The following RPS6KC1 variants were observed in gnomAD, a reference collection of about 807,000 sequenced individuals.
RPS6KC1 encodes the protein inactive ribosomal protein S6 kinase delta-1.
Under a neutral mutation model 103.8 loss-of-function variants are expected in RPS6KC1, and 54 were observed. The ratio of observed to expected loss-of-function variants is 0.52; its 90% CI spans 0.42 to 0.65. The LOEUF is 0.65. RPS6KC1 is among the 30% of genes least tolerant of loss of function. The pLI, the probability that RPS6KC1 is intolerant of heterozygous loss-of-function variation, is 0.00. For missense variants in RPS6KC1, 1,151 were observed against 1,253.8 expected (o/e 0.92, Z 1.24); for synonymous variants, 439 against 438.7 (o/e 1.00, Z -0.01).
At chr1:213,366,844 TG>T in the RPS6KC1 span, among the ~76,000 whole-genome samples, 3 of 152,242 alleles carry the variant, frequency 2.0e-5, no homozygotes, top group African/African-American at 7.2e-5. Context: ...AGAAATTTCT[TG>T]CTGTTTCTCA....
At chr1:213,212,602 A>G (rs193002741) in intron 8 of RPS6KC1, among the ~76,000 whole-genome samples, 90 of 152,330 alleles carry the variant, frequency 5.9e-4, no homozygotes, top group African/African-American at 2.1e-3. Flanking sequence ...ACACCAAGGA[A>G]TGTAATTGCT....
At chr1:213,732,514 C>A in the RPS6KC1 span, among the ~76,000 whole-genome samples, 1 of 152,280 alleles carries the variant, frequency 6.6e-6, no homozygotes, top group East Asian at 1.9e-4. Context: ...CAGGTCCTAG[C>A]CCAGTGCCTG....
the RPS6KC1 span, among the ~76,000 whole-genome samples, chr1:213,728,499 C>T: frequency 2.0e-5 from 3 of 152,080 alleles, no homozygotes; most frequent in African/African-American, 7.2e-5. Context: ...ACGTCCATGC[C>T]AGCCCTACCC....
At position 213,131,930 on chromosome 1, in the gene RPS6KC1, A is replaced by G. The variant is rs117796993; in HGVS notation, c.835+2041A>G. On this transcript the variant is annotated intron_variant, in intron 6 of 14. Coordinates refer to ENST00000366960, the MANE Select transcript of RPS6KC1 (RefSeq NM_012424.6). The stretch of plus-strand genomic sequence containing the variant: ...TGTGCTAAAACATCACTGGTGTTTA[A>G]TTGACACAAATAAAACACATCAGTG... 9.3e-3 allele frequency among the ~76,000 whole-genome samples: 1,422 copies of G among 152,328 alleles called. 49 individuals carry two copies. The highest frequency in any genetic ancestry group is 0.071 in the East Asian group (366 of 5,174).
chr1:213,641,942 G>A, the RPS6KC1 span, among the ~76,000 whole-genome samples: 144 of 148,620 alleles, frequency 9.7e-4, no homozygotes, highest in African/African-American at 3.5e-3. Context: ...GCTCCTGAAG[G>A]CTAACCATTG....
chr1:213,659,205 T>G, the RPS6KC1 span, among the ~76,000 whole-genome samples: 1 of 152,126 alleles, frequency 6.6e-6, no homozygotes, highest in Non-Finnish European at 1.5e-5. Flanking sequence ...CCTCAAGGGA[T>G]CCACCCGACT....
the RPS6KC1 span, among the ~76,000 whole-genome samples, chr1:213,853,303 A>C: frequency 6.6e-6 from 1 of 152,138 alleles, no homozygotes; most frequent in Non-Finnish European, 1.5e-5. Flanking sequence ...TAACCCCAAA[A>C]ATTATGGAGC....
the RPS6KC1 span, among the ~76,000 whole-genome samples, chr1:213,533,758 C>T: frequency 6.6e-6 from 1 of 152,204 alleles, no homozygotes; most frequent in African/African-American, 2.4e-5. Flanking sequence ...CTCTGCCAGT[C>T]TGAAATTACA....
At chr1:213,315,152 A>G in the RPS6KC1 span, among the ~76,000 whole-genome samples, 2 of 152,236 alleles carry the variant, frequency 1.3e-5, no homozygotes, top group Admixed American at 6.5e-5. Flanking sequence ...TAAAAGGAAC[A>G]TAACACTGAT....
chr1:213,702,846 G>GTTTT, the RPS6KC1 span, among the ~76,000 whole-genome samples: 83,489 of 128,292 alleles, frequency 0.65, 24,494 homozygotes, highest in Admixed American at 0.72. Context: ...GATCATTGAG[G>GTTTT]TTTTTTTTGT....
chr1:213,628,178 ATT>A, the RPS6KC1 span, among the ~76,000 whole-genome samples: 1 of 152,086 alleles, frequency 6.6e-6, no homozygotes, highest in Non-Finnish European at 1.5e-5. Context: ...GAATTTATCC[ATT>A]TGTTCTAGAT....
At chr1:213,083,406 C>T (rs151049408) in intron 3 of RPS6KC1, among the ~76,000 whole-genome samples, 30 of 152,286 alleles carry the variant, frequency 2.0e-4, no homozygotes, top group African/African-American at 6.3e-4. Context: ...CTTTGGGGCT[C>T]GCATTTACTC....
the RPS6KC1 span, among the ~76,000 whole-genome samples, chr1:213,798,027 C>T: frequency 6.6e-5 from 10 of 152,146 alleles, no homozygotes; most frequent in Non-Finnish European, 1.0e-4. Context: ...CAAGCCTGGG[C>T]GCCCCAGGGA....
At chr1:213,290,329 A>G in the RPS6KC1 span, among the ~76,000 whole-genome samples, 1 of 152,132 alleles carries the variant, frequency 6.6e-6, no homozygotes, top group Non-Finnish European at 1.5e-5. Context: ...CTCTCCTGAG[A>G]TGCACATTGG....
intron 8 of RPS6KC1, among the ~76,000 whole-genome samples, chr1:213,205,080 G>A (rs1206933432): frequency 6.6e-6 from 1 of 152,168 alleles, no homozygotes; most frequent in East Asian, 1.9e-4. Context: ...GTATGTTATA[G>A]TATCAGATAC....
chr1:213,709,397 C>T, the RPS6KC1 span, among the ~76,000 whole-genome samples: 1 of 152,062 alleles, frequency 6.6e-6, no homozygotes, highest in African/African-American at 2.4e-5. Flanking sequence ...ATGGTGATAT[C>T]CTCTTTATCA....
chr1:213,095,740 A>T (rs929312609), intron 3 of RPS6KC1, among the ~76,000 whole-genome samples: 3 of 152,236 alleles, frequency 2.0e-5, no homozygotes, highest in African/African-American at 7.2e-5. Flanking sequence ...ACTGTACTGT[A>T]GTCTATTGAG....
At chr1:213,083,564 A>C (rs1033811269) in intron 3 of RPS6KC1, among the ~76,000 whole-genome samples, 23 of 152,192 alleles carry the variant, frequency 1.5e-4, no homozygotes, top group African/African-American at 5.3e-4. Flanking sequence ...ACGACACCTG[A>C]AGAACCTCAG....
chr1:213,635,911 T>C, the RPS6KC1 span, among the ~76,000 whole-genome samples: 1 of 152,210 alleles, frequency 6.6e-6, no homozygotes, highest in Non-Finnish European at 1.5e-5. Context: ...ATAAGCAACT[T>C]CAGCAAAGTC....
Sources: gnomAD v4.1 joint callset for allele counts (sites outside exome capture counted in the v4.1 genomes callset) on GRCh38, gnomAD v4.1.1 for gene constraint, MANE v1.5 for transcripts, NCBI Gene and HGNC (gene_info 2026-07-23, HGNC 2026-07-21) for gene names.